The following SCAI variants were observed in gnomAD, a reference collection of about 807,000 sequenced individuals.
SCAI encodes protein SCAI.
Under a neutral mutation model 92.2 loss-of-function variants are expected in SCAI, and 24 were observed. The observed-to-expected ratio is 0.26, with a 90% CI of 0.19 to 0.37. The LOEUF is 0.37. Ranked by LOEUF, SCAI falls within the 10% of genes least tolerant of loss-of-function variation. The pLI is 1.00. For missense variants in SCAI, 450 were observed against 736.2 expected, an observed-to-expected ratio of 0.61 and a Z score of 4.50; for synonymous variants, 261 against 258.6, an observed-to-expected ratio of 1.01 and a Z score of -0.09.
chr9:125,013,978 A>G (rs548290476), intron 9 of SCAI, among the ~76,000 whole-genome samples: 8 of 152,164 alleles, frequency 5.3e-5, no homozygotes, highest in African/African-American at 1.9e-4. Context: ...AAAATTCAAC[A>G]ACGCTTCATG....
intron 2 of SCAI, among the ~76,000 whole-genome samples, chr9:125,087,788 T>A (rs1261719544): frequency 3.3e-5 from 5 of 152,138 alleles, no homozygotes; most frequent in Non-Finnish European, 7.4e-5. Flanking sequence ...TAATTTTATG[T>A]GTGTGATAAT....
At chr9:124,992,925 T>G (rs933253582) in intron 14 of SCAI, among the ~76,000 whole-genome samples, 2 of 152,192 alleles carry the variant, frequency 1.3e-5, no homozygotes, top group Non-Finnish European at 2.9e-5. Flanking sequence ...TCATCCTAAA[T>G]CTAAATAGTC....
intron 2 of SCAI, among the ~76,000 whole-genome samples, chr9:125,072,272 T>C (rs1833993497): frequency 6.6e-6 from 1 of 152,182 alleles, no homozygotes; most frequent in Non-Finnish European, 1.5e-5. Context: ...TCCGCCCACC[T>C]TGGCCTCCCA....
chr9:125,111,554 T>C (rs1437387089), intron 2 of SCAI, among the ~76,000 whole-genome samples: 1 of 144,752 alleles, frequency 6.9e-6, no homozygotes, highest in Admixed American at 6.9e-5. Context: ...ACTTTTTTTG[T>C]GAAAATTTTT....
intron 2 of SCAI, among the ~76,000 whole-genome samples, chr9:125,056,499 T>G (rs1250804952): frequency 1.3e-5 from 2 of 151,968 alleles, no homozygotes; most frequent in Non-Finnish European, 2.9e-5. Context: ...AAATAGATCA[T>G]CTCCTATCAT....
intron 9 of SCAI, among the ~76,000 whole-genome samples, chr9:125,015,667 A>G (rs566396669): frequency 6.6e-6 from 1 of 152,166 alleles, no homozygotes; most frequent in Non-Finnish European, 1.5e-5. Context: ...TGACCCAGCC[A>G]TCCCATTACT....
chr9:125,053,560 C>T (rs1588180903), intron 3 of SCAI, among the ~76,000 whole-genome samples: 1 of 152,050 alleles, frequency 6.6e-6, no homozygotes, highest in Non-Finnish European at 1.5e-5. Context: ...TGATAGAAGA[C>T]CACATATTGT....
chr9:125,117,330 C>G (rs1169588496), intron 2 of SCAI, among the ~76,000 whole-genome samples: 1 of 152,080 alleles, frequency 6.6e-6, no homozygotes, highest in African/African-American at 2.4e-5. Flanking sequence ...ACCTGATTAC[C>G]TCAATCATTA....
chr9:124,968,700 A>G, intron 17 of SCAI: 2 of 1,391,306 alleles, frequency 1.4e-6, no homozygotes, highest in Non-Finnish European at 2.0e-6. Flanking sequence ...CCTCAAATTC[A>G]TCAAATAGAC....
chr9:125,126,567 G>GGTGTGTGTGT lies in SCAI; in HGVS notation c.98+16056_98+16065dup, dbSNP rs748121151. ...AAAGTGAGGTGGGTGGGTGGGTGTG[G>GGTGTGTGTGT]GTGTGTGTGTGTGTGTGTGTGTGAG... On this transcript the variant is annotated intron_variant, in intron 2 of 17. Coordinates refer to ENST00000336505, the MANE Select transcript of SCAI (RefSeq NM_001144877.3). 1.2e-4 allele frequency among the ~76,000 whole-genome samples: 16 copies of GGTGTGTGTGT among 128,586 alleles called. 1 individual carries two copies. The South Asian group carries it at 2.6e-3, about 21-fold the overall frequency. 84.4% of individuals were successfully genotyped at this position (128,586 alleles called of 152,430 possible).
Position 124,943,211 on chromosome 9 carries a change from A to G in SCAI, c.*9596T>C, listed in dbSNP as rs1036863632. 2 of 152,264 alleles carry G rather than the reference A, an allele frequency of 1.3e-5. No homozygotes were observed. Among genetic ancestry groups the G allele is most frequent in the African/African-American group, 4.8e-5 (2 of 41,466 alleles). 9.4% of individuals were successfully genotyped at this position (152,264 alleles called of 1,614,324 possible). ...GTTCAAGTCAAATGATAGTGACAGT[A>G]TAATTTTCCCCTTAGTCATTGGTAG... On this transcript the variant is annotated 3_prime_UTR_variant, in exon 18 of 18. Coordinates refer to ENST00000336505, the MANE Select transcript of SCAI (RefSeq NM_001144877.3).
intron 15 of SCAI, 138 bp from the exon 16 acceptor site, chr9:124,971,982 C>T (rs1831669756): frequency 4.2e-6 from 2 of 474,828 alleles, no homozygotes; most frequent in Non-Finnish European, 6.9e-6. Context: ...AAAGCAGATT[C>T]TTCACGAAAC....
At chr9:125,122,408 G>A (rs923845011) in intron 2 of SCAI, among the ~76,000 whole-genome samples, 1 of 150,486 alleles carries the variant, frequency 6.6e-6, no homozygotes, top group Non-Finnish European at 1.5e-5. Context: ...GGCCAAGATG[G>A]TGAAACTCCA....
At chr9:125,069,048 C>G (rs539663790) in intron 2 of SCAI, among the ~76,000 whole-genome samples, 34 of 151,786 alleles carry the variant, frequency 2.2e-4, no homozygotes, top group Admixed American at 2.0e-3. Flanking sequence ...AAACTCCTGT[C>G]TCTACTAAAA....
At chr9:125,072,082 G>A (rs1833989437) in intron 2 of SCAI, among the ~76,000 whole-genome samples, 2 of 151,142 alleles carry the variant, frequency 1.3e-5, no homozygotes, top group African/African-American at 4.9e-5. Context: ...GGAGTGCAGT[G>A]GTGCAATCTC....
chr9:125,021,156 T>C (rs1245470264), intron 6 of SCAI, among the ~76,000 whole-genome samples: 1 of 152,174 alleles, frequency 6.6e-6, no homozygotes, highest in Non-Finnish European at 1.5e-5. Context: ...AGAATGCTAT[T>C]TGTGCCCACA....
chr9:125,004,638 G>A (rs571305020), intron 9 of SCAI, among the ~76,000 whole-genome samples: 24 of 147,662 alleles, frequency 1.6e-4, no homozygotes, highest in Middle Eastern at 3.6e-3. Context: ...TTTTCAGCCC[G>A]AATTCTATAC....
intron 2 of SCAI, among the ~76,000 whole-genome samples, chr9:125,082,975 T>C (rs1384811239): frequency 2.0e-5 from 3 of 152,144 alleles, no homozygotes; most frequent in African/African-American, 4.8e-5. Context: ...AAGGCATGAT[T>C]GGTTTTGAAA....
intron 2 of SCAI, among the ~76,000 whole-genome samples, chr9:125,075,053 A>C (rs575303501): frequency 6.6e-6 from 1 of 152,260 alleles, no homozygotes; most frequent in South Asian, 2.1e-4. Context: ...TAAAAACAAT[A>C]CATACAAACA....
Sources: gnomAD v4.1 joint callset for allele counts (sites outside exome capture counted in the v4.1 genomes callset) on GRCh38, gnomAD v4.1.1 for gene constraint, MANE v1.5 for transcripts, NCBI Gene and HGNC (gene_info 2026-07-23, HGNC 2026-07-21) for gene names.